Variants in RP1 observed in about 807,000 individuals in gnomAD.
RP1 encodes RP1 axonemal microtubule associated.
In RP1, 16 loss-of-function variants were observed where a neutral mutation model predicts 14.8. That is an observed-to-expected ratio of 1.08 (90% CI 0.73 to 1.65). RP1 has a LOEUF of 1.65. Ranked by LOEUF, RP1 falls within the 40% of genes most tolerant of loss-of-function variation. The pLI is 0.00. For synonymous variants in RP1, 876 were observed against 883.6 expected, an observed-to-expected ratio of 0.99 and a Z score of 0.15; for missense variants, 2,631 against 2,535.0, an observed-to-expected ratio of 1.04 and a Z score of -0.81.
At chr8:54,812,762 C>CATCTATCT (rs58007600) in intron 24 of RP1, among the ~76,000 whole-genome samples, 14,741 of 145,164 alleles carry the variant, frequency 0.1, 747 homozygotes, top group East Asian at 0.15. Flanking sequence ...ATCTATCTAT[C>CATCTATCT]ATCTATCTAT....
intron 1 of RP1, among the ~76,000 whole-genome samples, chr8:54,617,285 C>T (rs542300827): frequency 6.6e-6 from 1 of 152,318 alleles, no homozygotes; most frequent in East Asian, 1.9e-4. Context: ...TCAGTTTGTT[C>T]GTTCCCTAGG....
chr8:54,706,458 A>G, exon 15 of RP1: 1 of 1,535,844 alleles, frequency 6.5e-7, no homozygotes, highest in Non-Finnish European at 8.7e-7. Context: ...GTTCCTCAAC[A>G]GTGCTGTGGT....
At chr8:54,676,126 G>T (rs1245575366) in intron 8 of RP1, among the ~76,000 whole-genome samples, 1 of 152,036 alleles carries the variant, frequency 6.6e-6, no homozygotes, top group Non-Finnish European at 1.5e-5. Context: ...TTGGGTCTTA[G>T]GTTCCAATAG....
intron 19 of RP1, chr8:54,754,723 C>T (rs74498551): frequency 0.017 from 23,155 of 1,379,014 alleles, 307 homozygotes; most frequent in African/African-American, 0.064. Context: ...CTTTTGAAAT[C>T]CCTGGGATGC....
rs777328112 is a variant in RP1 at position 54,628,153 on chromosome 8, C to T, written c.4271C>T (p.Ser1424Leu). 2 of 1,613,890 alleles carry T rather than the reference C, an allele frequency of 1.2e-6. No homozygotes were observed. The highest frequency in any genetic ancestry group is 2.2e-5 in the South Asian group (2 of 91,026). Residue 1424 changes from serine to leucine, a missense_variant, in exon 4 of 4, where the codon TCA becomes TTA. Coordinates refer to ENST00000220676, the MANE Select transcript of RP1 (RefSeq NM_006269.2). Reference sequence around the variant, plus strand: ...TCTCTAGATGATTTTGAAAATTGTTCACTAAGGAAGTTTCAGGATGAAAAT... The same window carrying T: ...TCTCTAGATGATTTTGAAAATTGTTTACTAAGGAAGTTTCAGGATGAAAAT... ...HSSLDDFENC[S>L]LRKFQDENAY...
At chr8:54,661,665 G>C (rs1022254934) in intron 6 of RP1, among the ~76,000 whole-genome samples, 1 of 152,128 alleles carries the variant, frequency 6.6e-6, no homozygotes, top group African/African-American at 2.4e-5. Flanking sequence ...TGGGAGGGCA[G>C]TGCAGAACCG....
intron 22 of RP1, among the ~76,000 whole-genome samples, chr8:54,767,758 C>T (rs2083123): frequency 0.36 from 55,184 of 151,980 alleles, 10,351 homozygotes; most frequent in East Asian, 0.49. Context: ...AGATGGGATA[C>T]ATAAACCAAA....
intron 1 of RP1, among the ~76,000 whole-genome samples, chr8:54,583,916 G>A (rs1585526682): frequency 6.6e-6 from 1 of 151,888 alleles, no homozygotes; most frequent in Non-Finnish European, 1.5e-5. Flanking sequence ...TCTTGCTAGT[G>A]GTCTATCAAT....
At chr8:54,737,966 C>T (rs2129357818) in intron 18 of RP1, among the ~76,000 whole-genome samples, 1 of 152,140 alleles carries the variant, frequency 6.6e-6, no homozygotes, top group East Asian at 1.9e-4. Flanking sequence ...AGCCATTAAG[C>T]AATAAGGTGG....
intron 1 of RP1, among the ~76,000 whole-genome samples, chr8:54,569,547 A>C (rs1053559442): frequency 2.0e-5 from 3 of 152,216 alleles, no homozygotes; most frequent in Admixed American, 6.5e-5. Context: ...AGGTTGGTTA[A>C]TGTGAGTCTG....
At chr8:54,709,583 T>C (rs907808561) in intron 15 of RP1, among the ~76,000 whole-genome samples, 1 of 152,134 alleles carries the variant, frequency 6.6e-6, no homozygotes, top group Non-Finnish European at 1.5e-5. Context: ...GAGAACCCAG[T>C]GAAATTGATT....
In RP1 at chr8:54,760,453, A is replaced by G. The variant is rs182442521; in HGVS notation, c.3248+1377A>G. 1.6e-3 allele frequency among the ~76,000 whole-genome samples: 243 copies of G among 152,286 alleles called. 2 individuals are homozygous for G. Among genetic ancestry groups the G allele is most frequent in the African/African-American group, 5.5e-3 (230 of 41,560 alleles). ...TGTTTTATTTTGAATTTTATTCTTT[A>G]GTATTTTATTGTATAGCTTTGCCTG... On this transcript the variant is annotated intron_variant, in intron 22 of 22. Coordinates refer to the RP1 transcript ENST00000636932.
intron 1 of RP1, among the ~76,000 whole-genome samples, chr8:54,566,093 G>C (rs960932172): frequency 1.3e-5 from 2 of 152,140 alleles, no homozygotes; most frequent in African/African-American, 4.8e-5. Flanking sequence ...CCCACTCCAG[G>C]ATGACTCCGT....
intron 1 of RP1, among the ~76,000 whole-genome samples, chr8:54,587,144 C>G (rs186026873): frequency 5.5e-4 from 84 of 152,286 alleles, no homozygotes; most frequent in Non-Finnish European, 1.2e-3. Context: ...CTCCACCCCT[C>G]AGGACTTGAA....
At chr8:54,656,394 G>A (rs1806755685) in intron 6 of RP1, among the ~76,000 whole-genome samples, 1 of 152,134 alleles carries the variant, frequency 6.6e-6, no homozygotes, top group Non-Finnish European at 1.5e-5. Flanking sequence ...TCACATGCCA[G>A]CATTCAGGAG....
At chr8:54,827,605 C>T (rs1811413395) in intron 24 of RP1, among the ~76,000 whole-genome samples, 3 of 152,208 alleles carry the variant, frequency 2.0e-5, no homozygotes, top group Admixed American at 2.0e-4. Flanking sequence ...GCTGGGATTA[C>T]AGGCGTGAGC....
At chr8:54,808,844 C>T (rs1311551296) in intron 24 of RP1, among the ~76,000 whole-genome samples, 1 of 152,144 alleles carries the variant, frequency 6.6e-6, no homozygotes, top group Non-Finnish European at 1.5e-5. Flanking sequence ...TAGAGTAGCC[C>T]TTGATGGCCA....
intron 3 of RP1, among the ~76,000 whole-genome samples, chr8:54,637,593 T>C: frequency 6.6e-6 from 1 of 152,232 alleles, no homozygotes; most frequent in Non-Finnish European, 1.5e-5. Flanking sequence ...TTCTGCTGTT[T>C]ATTTCTGTAT....
intron 1 of RP1, among the ~76,000 whole-genome samples, chr8:54,594,732 A>G (rs1805101846): frequency 6.6e-6 from 1 of 152,222 alleles, no homozygotes; most frequent in African/African-American, 2.4e-5. Context: ...TCTAAGGCAA[A>G]TAAAAGGCCA....
Sources: gnomAD v4.1 joint callset for allele counts (sites outside exome capture counted in the v4.1 genomes callset) on GRCh38, gnomAD v4.1.1 for gene constraint, MANE v1.5 for transcripts, NCBI Gene and HGNC (gene_info 2026-07-23, HGNC 2026-07-21) for gene names.